Variants in GLRA1 observed in about 807,000 individuals in gnomAD.
The protein encoded by GLRA1 is glycine receptor alpha 1, also known as glycine receptor subunit alpha-1.
GLRA1 carries 37 observed loss-of-function variants against 48.3 expected under a neutral mutation model. That is an observed-to-expected ratio of 0.77 (90% CI 0.59 to 1.01). The LOEUF (loss-of-function observed/expected upper bound fraction) is 1.01. GLRA1 is among the 50% of genes least tolerant of loss of function. The probability of loss-of-function intolerance (pLI) is 0.00; values close to 1 mark genes in which losing one functional copy is unlikely to be tolerated. For synonymous variants in GLRA1, 196 were observed against 210.7 expected (o/e 0.93, Z 0.60); for missense variants, 427 against 571.0 (o/e 0.75, Z 2.57).
chr5:151,829,037 T>C lies in GLRA1; in HGVS notation c.943A>G (p.Met315Val). The C allele has an allele frequency of 6.2e-7, 1 of 1,614,064 alleles. No homozygotes were observed. Among genetic ancestry groups the C allele is most frequent in the South Asian group, 1.1e-5 (1 of 91,076 alleles). The change falls in exon 8 of 9, where the codon ATG becomes GTG. Residue 315 changes from methionine to valine, a missense_variant. Met to Val is a conservative substitution (Grantham distance 21, BLOSUM62 1). This residue lies in a region of GLRA1 where 271 missense variants were observed against 434.9 expected (regional missense o/e 0.62). Coordinates refer to ENST00000274576, the MANE Select transcript of GLRA1 (RefSeq NM_000171.4). ...VSYVKAIDIW[M>V]AVCLLFVFSA... ...AACACAAAGAGCAGGCAAACTGCCA[T>C]CCAAATGTCAATGGCTTTCACATAG...
Position 151,908,372 on chromosome 5 carries a change from C to T in GLRA1, c.57-15934G>A, listed in dbSNP as rs191652645. 1.4e-4 allele frequency among the ~76,000 whole-genome samples: 22 copies of T among 152,300 alleles called. No homozygotes were observed. In the East Asian group the frequency reaches 2.5e-3, roughly 17 times the overall value. Reference sequence around the variant, plus strand: ...TTTCTTCCTCCTGTCATCATTCCTCCTTAACCTTTGCTTCTTCCCTCCTAC... The same window carrying T: ...TTTCTTCCTCCTGTCATCATTCCTCTTTAACCTTTGCTTCTTCCCTCCTAC... On this transcript the variant is annotated intron_variant, in intron 1 of 8. Coordinates refer to ENST00000274576, the MANE Select transcript of GLRA1 (RefSeq NM_000171.4).
chr5:151,840,199 T>C (rs1157393780), intron 7 of GLRA1, among the ~76,000 whole-genome samples: 1 of 151,814 alleles, frequency 6.6e-6, no homozygotes, highest in Non-Finnish European at 1.5e-5. Flanking sequence ...GTTCAAGCAG[T>C]CCTCCCACCT....
intron 1 of GLRA1, among the ~76,000 whole-genome samples, chr5:151,923,022 C>A (rs1320056789): frequency 6.6e-6 from 1 of 152,212 alleles, no homozygotes; most frequent in Non-Finnish European, 1.5e-5. Context: ...TGCCCTTTCC[C>A]CCATAAAGTA....
At chr5:151,833,358 T>C (rs1010491129) in intron 7 of GLRA1, among the ~76,000 whole-genome samples, 6 of 152,012 alleles carry the variant, frequency 3.9e-5, no homozygotes, top group Admixed American at 6.6e-5. Flanking sequence ...GACTGGCAAA[T>C]TGGATAAAGA....
chr5:151,874,664 T>C (rs558051493), intron 3 of GLRA1, among the ~76,000 whole-genome samples: 1 of 152,166 alleles, frequency 6.6e-6, no homozygotes, highest in African/African-American at 2.4e-5. Context: ...CTGAGGATAA[T>C]AGAACATGGT....
At chr5:151,850,822 C>T (rs1752885783) in intron 7 of GLRA1, 3 of 740,698 alleles carry the variant, frequency 4.1e-6, no homozygotes, top group African/African-American at 1.7e-5. Context: ...CCGTCGAGCC[C>T]CTCCTAGTTC....
At chr5:151,907,085 C>A (rs1754489530) in intron 1 of GLRA1, among the ~76,000 whole-genome samples, 1 of 152,138 alleles carries the variant, frequency 6.6e-6, no homozygotes, top group Non-Finnish European at 1.5e-5. Flanking sequence ...TGGGCTGGAA[C>A]TGTGACTTTA....
intron 1 of GLRA1, among the ~76,000 whole-genome samples, chr5:151,895,160 CATAGGTTTGTATGT>C: frequency 6.6e-6 from 1 of 152,164 alleles, no homozygotes; most frequent in Middle Eastern, 3.4e-3. Context: ...AATTGGGTCA[CATAGGTTTGTATGT>C]ACAAAATGTG....
intron 1 of GLRA1, among the ~76,000 whole-genome samples, chr5:151,909,522 C>G (rs1754556379): frequency 6.6e-6 from 1 of 152,222 alleles, no homozygotes; most frequent in South Asian, 2.1e-4. Context: ...GCTGTATTCT[C>G]CAAACCAAAA....
chr5:151,849,437 T>TTTCCG (rs1752824642), intron 7 of GLRA1, among the ~76,000 whole-genome samples: 3 of 31,486 alleles, frequency 9.5e-5, no homozygotes, highest in Non-Finnish European at 1.8e-4. Flanking sequence ...TTTCCTTTCC[T>TTTCCG]TTCCTTTCCT....
At chr5:151,868,490 C>T (rs186546045) in intron 3 of GLRA1, among the ~76,000 whole-genome samples, 2 of 152,288 alleles carry the variant, frequency 1.3e-5, no homozygotes, top group Admixed American at 1.3e-4. Flanking sequence ...ATGTTACACT[C>T]ATGACACTGC....
chr5:151,834,211 C>T (rs1299361117), intron 7 of GLRA1, among the ~76,000 whole-genome samples: 2 of 152,088 alleles, frequency 1.3e-5, no homozygotes, highest in Non-Finnish European at 2.9e-5. Flanking sequence ...CTAAAATTGA[C>T]CACATAATTG....
At position 151,920,252 on chromosome 5, in the gene GLRA1, G is replaced by C. The variant is rs140575671; in HGVS notation, c.56+4242C>G. ...GGTTGGAGAGAATGTAGAAGTGTCA[G>C]ATTCAGTCATTTGAGTTGATTGGTA... is the stretch of plus-strand genomic sequence containing the variant. On this transcript the variant is annotated intron_variant, in intron 1 of 8. Transcript: ENST00000274576. Among the ~76,000 whole-genome samples the C allele has an allele frequency of 8.1e-4, 124 of 152,308 alleles. 1 individual carries two copies. Among genetic ancestry groups the C allele is most frequent in the African/African-American group, 2.8e-3 (118 of 41,568 alleles).
At chr5:151,859,738 C>T (rs1437470323) in intron 4 of GLRA1, 47 bp downstream of exon 4, 2 of 1,361,538 alleles carry the variant, frequency 1.5e-6, no homozygotes, top group Non-Finnish European at 2.1e-6. Flanking sequence ...GGTAGTGGGG[C>T]AAGACATGTT....
intron 3 of GLRA1, among the ~76,000 whole-genome samples, chr5:151,867,511 A>T (rs1049558469): frequency 6.6e-6 from 1 of 152,180 alleles, no homozygotes; most frequent in Non-Finnish European, 1.5e-5. Context: ...CAAACAGTTC[A>T]GTTTAGCTCA....
At chr5:151,891,437 A>T (rs1754066072) in intron 2 of GLRA1, among the ~76,000 whole-genome samples, 1 of 152,190 alleles carries the variant, frequency 6.6e-6, no homozygotes, top group Non-Finnish European at 1.5e-5. Flanking sequence ...ATTTGAATTT[A>T]CATGTTTTAG....
intron 7 of GLRA1, among the ~76,000 whole-genome samples, chr5:151,834,313 T>G (rs1257546339): frequency 6.6e-6 from 1 of 152,142 alleles, no homozygotes; most frequent in Admixed American, 6.5e-5. Context: ...AACTCAGGAT[T>G]AAGAAACTCA....
In GLRA1 at chr5:151,829,028, A is replaced by G; in HGVS notation, c.952T>C (p.Cys318Arg). The G allele has an allele frequency of 6.2e-7, 1 of 1,614,162 alleles. No individual in the cohort carries two copies. ...VKAIDIWMAV[C>R]LLFVFSALLE... is the part of the protein sequence containing the mutation. Reference sequence around the variant, plus strand: ...AGGGCTGAGAACACAAAGAGCAGGCAAACTGCCATCCAAATGTCAATGGCT... The same window carrying G: ...AGGGCTGAGAACACAAAGAGCAGGCGAACTGCCATCCAAATGTCAATGGCT... Residue 318 changes from cysteine to arginine, a missense_variant, in exon 8 of 9, where the codon TGC becomes CGC. Coordinates refer to ENST00000274576, the MANE Select transcript of GLRA1 (RefSeq NM_000171.4).
At chr5:151,868,227 C>T (rs1001043047) in intron 3 of GLRA1, among the ~76,000 whole-genome samples, 3 of 152,274 alleles carry the variant, frequency 2.0e-5, no homozygotes, top group South Asian at 2.1e-4. Context: ...TAAGGTGGAA[C>T]CTGCATGCAG....
Sources: allele counts gnomAD v4.1 joint callset (sites outside exome capture counted in the v4.1 genomes callset), GRCh38; gene constraint gnomAD v4.1.1; regional missense constraint gnomAD v4.1.1; transcripts MANE v1.5; gene names NCBI Gene and HGNC (gene_info 2026-07-23, HGNC 2026-07-21).